The following MRTFB variants were observed in gnomAD, a reference collection of about 807,000 sequenced individuals.
MRTFB encodes the protein myocardin related transcription factor B.
In MRTFB, 29 loss-of-function variants were observed where a neutral mutation model predicts 104.2. The observed-to-expected ratio is 0.28, with a 90% CI of 0.21 to 0.38. The LOEUF (loss-of-function observed/expected upper bound fraction) is 0.38, where lower values mean the gene tolerates loss of function less well. MRTFB is among the 10% of genes least tolerant of loss of function. MRTFB has a pLI of 1.00. For synonymous variants in MRTFB, 535 were observed against 519.5 expected (o/e 1.03, Z -0.41); for missense variants, 1,270 against 1,341.6 (o/e 0.95, Z 0.83).
At position 14,225,795 on chromosome 16, in the gene MRTFB, A is replaced by G. The variant is rs575469446; in HGVS notation, c.693+6797A>G. Among the ~76,000 whole-genome samples, 5 of 152,268 alleles carry G rather than the reference A, an allele frequency of 3.3e-5. No homozygotes were observed. The South Asian group carries it at 1.0e-3, about 32-fold the overall frequency. On this transcript the variant is annotated intron_variant, in intron 8 of 16. Transcript: ENST00000571589. The stretch of plus-strand genomic sequence containing the variant: ...CTGCCCACCTCAGCCTCCCAGAGAT[A>G]TTCTTTATATAGCAAGCTTTTAGGA...
Position 14,263,355 on chromosome 16 carries a change from C to T in MRTFB, c.*1911C>T, listed in dbSNP as rs1347272090. 1 of 152,174 alleles carries T rather than the reference C, an allele frequency of 6.6e-6. No homozygotes were observed. The allele number at this position is 152,174 out of a possible 1,614,324, so 9.4% of individuals were successfully genotyped here. ...AGTTCCATTGAGAGGGGCCTGTCTC[C>T]AGGGCCAGGCTATTTACTTGGGAAA... is the stretch of plus-strand genomic sequence containing the variant. On this transcript the variant is annotated 3_prime_UTR_variant, in exon 17 of 17. Coordinates refer to ENST00000571589, the MANE Select transcript of MRTFB (RefSeq NM_001308142.2).
intron 8 of MRTFB, among the ~76,000 whole-genome samples, chr16:14,224,010 G>A (rs991821379): frequency 6.6e-5 from 10 of 152,210 alleles, no homozygotes; most frequent in African/African-American, 2.2e-4. Context: ...AGGAGGCATG[G>A]CTGGGGAGGC....
intron 9 of MRTFB, among the ~76,000 whole-genome samples, chr16:14,238,788 T>C (rs1326965291): frequency 6.6e-6 from 1 of 152,238 alleles, no homozygotes; most frequent in African/African-American, 2.4e-5. Flanking sequence ...AAGCATGAGA[T>C]GAGATTAACA....
chr16:14,178,279 T>C (rs915565737), intron 3 of MRTFB, among the ~76,000 whole-genome samples: 8 of 152,132 alleles, frequency 5.3e-5, no homozygotes, highest in African/African-American at 1.9e-4. Flanking sequence ...GTAGCGAATC[T>C]AGGGGCCCAA....
the MRTFB span, among the ~76,000 whole-genome samples, chr16:14,040,124 A>G: frequency 6.6e-6 from 1 of 152,240 alleles, no homozygotes; most frequent in Non-Finnish European, 1.5e-5. Context: ...AAGGATTAGT[A>G]AGTATTAGGT....
intron 2 of MRTFB, among the ~76,000 whole-genome samples, chr16:14,092,491 A>AT (rs1317323366): frequency 6.6e-6 from 1 of 152,092 alleles, no homozygotes; most frequent in Admixed American, 6.5e-5. Flanking sequence ...TAGACCTGTG[A>AT]TTTTTATGTC....
At chr16:14,043,049 G>T in the MRTFB span, among the ~76,000 whole-genome samples, 2 of 152,182 alleles carry the variant, frequency 1.3e-5, no homozygotes, top group African/African-American at 2.4e-5. Flanking sequence ...CAAAGGAACG[G>T]GTCCTCTGGG....
chr16:14,126,209 A>G (rs554511159), intron 2 of MRTFB, among the ~76,000 whole-genome samples: 2 of 152,328 alleles, frequency 1.3e-5, no homozygotes, highest in South Asian at 4.1e-4. Flanking sequence ...TCCTTTTTAA[A>G]AAAACCTTAG....
intron 2 of MRTFB, among the ~76,000 whole-genome samples, chr16:14,127,937 T>C (rs1194650473): frequency 1.3e-5 from 1 of 79,348 alleles, no homozygotes; most frequent in African/African-American, 1.3e-4. Context: ...ATATTTTTTT[T>C]TTTTTTTTTT....
chr16:14,211,928 T>C (rs931044091), intron 4 of MRTFB, among the ~76,000 whole-genome samples: 2 of 152,146 alleles, frequency 1.3e-5, no homozygotes, highest in Non-Finnish European at 2.9e-5. Context: ...TCTAAATAAA[T>C]GATACCTCAA....
the MRTFB span, among the ~76,000 whole-genome samples, chr16:14,046,734 G>A: frequency 6.6e-6 from 1 of 152,136 alleles, no homozygotes; most frequent in Non-Finnish European, 1.5e-5. Flanking sequence ...AGTAAATACA[G>A]CTTTGATTTG....
Position 14,072,637 on chromosome 16 carries a change from A to G in MRTFB, c.-129+1272A>G, listed in dbSNP as rs577620998. 3.3e-5 allele frequency among the ~76,000 whole-genome samples: 5 copies of G among 152,248 alleles called. No individual in the cohort carries two copies. In the South Asian group the frequency reaches 1.0e-3, roughly 32 times the overall value. On this transcript the variant is annotated intron_variant, in intron 1 of 16. Coordinates refer to ENST00000571589, the MANE Select transcript of MRTFB (RefSeq NM_001308142.2). Reference sequence around the variant, plus strand: ...GAGTTAAAGGCTGCAGTGAGCTGTGATTGCACCACTGCCCTCCAGCCTGGG... The same window carrying G: ...GAGTTAAAGGCTGCAGTGAGCTGTGGTTGCACCACTGCCCTCCAGCCTGGG...
chr16:14,138,994 T>G (rs76918845), intron 2 of MRTFB, among the ~76,000 whole-genome samples: 1,886 of 152,196 alleles, frequency 0.012, 36 homozygotes, highest in African/African-American at 0.042. Context: ...CAGGAAGTAA[T>G]CTTTATTACC....
chr16:14,105,215 AT>A (rs2035906531), intron 2 of MRTFB, among the ~76,000 whole-genome samples: 1 of 152,210 alleles, frequency 6.6e-6, no homozygotes, highest in African/African-American at 2.4e-5. Context: ...GGAAGTTCTC[AT>A]ACTACCCCTT....
At chr16:14,070,566 C>T (rs1567285741), upstream of MRTFB, among the ~76,000 whole-genome samples, 1 of 152,350 alleles carries the variant, frequency 6.6e-6, no homozygotes. Flanking sequence ...GGCACAGGGG[C>T]TTCACAGGCC....
chr16:14,052,798 T>C, the MRTFB span, among the ~76,000 whole-genome samples: 1 of 151,990 alleles, frequency 6.6e-6, no homozygotes, highest in East Asian at 1.9e-4. Context: ...ACCACAGTTA[T>C]CCTGCTGTAC....
intron 2 of MRTFB, among the ~76,000 whole-genome samples, chr16:14,105,790 CATT>C (rs1387805040): frequency 6.6e-6 from 1 of 152,146 alleles, no homozygotes; most frequent in Non-Finnish European, 1.5e-5. Context: ...GCTTTACTGT[CATT>C]ATTAAAGTTA....
intron 8 of MRTFB, among the ~76,000 whole-genome samples, chr16:14,233,475 T>TA (rs2042353815): frequency 1.3e-5 from 2 of 152,086 alleles, no homozygotes; most frequent in Non-Finnish European, 2.9e-5. Flanking sequence ...ATGACCTGTA[T>TA]AGCAAAGGGA....
At chr16:14,028,565 C>T in the MRTFB span, among the ~76,000 whole-genome samples, 1 of 152,188 alleles carries the variant, frequency 6.6e-6, no homozygotes, top group South Asian at 2.1e-4. Flanking sequence ...GGCCCCTTCT[C>T]CCACACATCT....
Sources: allele counts gnomAD v4.1 joint callset (sites outside exome capture counted in the v4.1 genomes callset), GRCh38; gene constraint gnomAD v4.1.1; transcripts MANE v1.5; gene names NCBI Gene and HGNC (gene_info 2026-07-23, HGNC 2026-07-21).